The following ZNF536 variants were observed in gnomAD, a reference collection of about 807,000 sequenced individuals.
ZNF536 encodes the protein zinc finger protein 536.
A neutral mutation model predicts 84.5 loss-of-function variants in ZNF536; 13 were observed. That is an observed-to-expected ratio of 0.15 (90% confidence interval 0.10 to 0.24). The LOEUF is 0.24. Ranked by LOEUF, ZNF536 falls within the 10% of genes least tolerant of loss-of-function variation. ZNF536 has a pLI of 1.00. For synonymous variants in ZNF536, 811 were observed against 742.5 expected (o/e 1.09, Z -1.50); for missense variants, 1,536 against 1,747.5 (o/e 0.88, Z 2.16).
downstream of ZNF536, among the ~76,000 whole-genome samples, chr19:30,560,163 T>C (rs919044394): frequency 6.6e-6 from 1 of 152,092 alleles, no homozygotes; most frequent in South Asian, 2.1e-4. Context: ...TTCTGTGGAA[T>C]GAGCCAACTT....
chr19:30,366,621 TATCTATC>T (rs1234065597), intron 3 of ZNF536, among the ~76,000 whole-genome samples: 3 of 147,472 alleles, frequency 2.0e-5, no homozygotes, highest in African/African-American at 4.9e-5. Flanking sequence ...TCTATCTATC[TATCTATC>T]ATCTATCCAT....
At chr19:30,383,654 CTCTCT>C (rs1471076819) in intron 1 of ZNF536, among the ~76,000 whole-genome samples, 1 of 4,768 alleles carries the variant, frequency 2.1e-4, no homozygotes, top group Non-Finnish European at 5.6e-4. Context: ...TCCTTTCTTT[CTCTCT>C]TTCTCTTTCT....
intron 1 of ZNF536, among the ~76,000 whole-genome samples, chr19:30,405,792 T>G (rs1180840890): frequency 1.3e-5 from 2 of 152,036 alleles, no homozygotes; most frequent in African/African-American, 4.8e-5. Flanking sequence ...TTTTTTTTTT[T>G]TTTGAGATAG....
intron 1 of ZNF536, among the ~76,000 whole-genome samples, chr19:30,651,507 T>C (rs1323872630): frequency 6.6e-6 from 1 of 152,166 alleles, no homozygotes; most frequent in Non-Finnish European, 1.5e-5. Context: ...AAAAAGAGAA[T>C]AAGCACGAGG....
At chr19:30,417,390 A>G (rs140411264) in intron 1 of ZNF536, among the ~76,000 whole-genome samples, 40 of 152,020 alleles carry the variant, frequency 2.6e-4, no homozygotes, top group Middle Eastern at 6.8e-3. Context: ...TTAGGGAATT[A>G]TTCTATGTGA....
intron 1 of ZNF536, among the ~76,000 whole-genome samples, chr19:30,609,895 TATCCATCCATCC>T (rs202076068): frequency 2.6e-4 from 36 of 140,974 alleles, no homozygotes; most frequent in African/African-American, 7.7e-4. Context: ...TCCACCCATT[TATCCATCCATCC>T]ATCCATCCAT....
chr19:30,259,086 G>A (rs16963984), intron 1 of ZNF536, among the ~76,000 whole-genome samples: 3,420 of 152,122 alleles, frequency 0.022, 103 homozygotes, highest in African/African-American at 0.078. Flanking sequence ...AATTTCTGAG[G>A]TTAAACCTAA....
chr19:30,422,710 G>A (rs2051014814), intron 1 of ZNF536, among the ~76,000 whole-genome samples: 1 of 151,552 alleles, frequency 6.6e-6, no homozygotes. Context: ...CTTCTATTTA[G>A]CCCTTCTCTT....
At chr19:30,331,696 C>T (rs531276244) in intron 2 of ZNF536, among the ~76,000 whole-genome samples, 17 of 152,306 alleles carry the variant, frequency 1.1e-4, no homozygotes, top group Admixed American at 4.6e-4. Flanking sequence ...TGACCAACAC[C>T]TGAGCTCCTC....
chr19:30,484,126 C>T (rs562336525), intron 2 of ZNF536, among the ~76,000 whole-genome samples: 3 of 152,158 alleles, frequency 2.0e-5, no homozygotes, highest in South Asian at 4.2e-4. Context: ...CTCCCTCCTA[C>T]GCCTGACCAC....
At chr19:30,658,139 C>T (rs987342562) in intron 1 of ZNF536, among the ~76,000 whole-genome samples, 1 of 151,894 alleles carries the variant, frequency 6.6e-6, no homozygotes, top group African/African-American at 2.4e-5. Context: ...TCTCCTGCCT[C>T]ACCTTCTGAG....
intron 1 of ZNF536, among the ~76,000 whole-genome samples, chr19:30,421,740 T>G (rs1166713695): frequency 1.3e-5 from 2 of 152,248 alleles, no homozygotes; most frequent in African/African-American, 4.8e-5. Flanking sequence ...CTTGTCACGC[T>G]CCCTGGGATC....
chr19:30,687,328 A>T (rs957765862), intron 1 of ZNF536, among the ~76,000 whole-genome samples: 1 of 152,222 alleles, frequency 6.6e-6, no homozygotes, highest in African/African-American at 2.4e-5. Context: ...AAACCAGTCA[A>T]ATCTGAACTT....
chr19:30,361,981 C>T (rs1244620754), intron 3 of ZNF536, among the ~76,000 whole-genome samples: 1 of 152,182 alleles, frequency 6.6e-6, no homozygotes, highest in East Asian at 1.9e-4. Flanking sequence ...ACACCACCAA[C>T]TAAAAAAGGA....
At chr19:30,523,210 A>G (rs1321098148) in intron 2 of ZNF536, among the ~76,000 whole-genome samples, 1 of 152,192 alleles carries the variant, frequency 6.6e-6, no homozygotes. Context: ...TCCTGGAGCT[A>G]AAACCACAGA....
At chr19:30,550,086 G>A (rs916356553) in intron 4 of ZNF536, among the ~76,000 whole-genome samples, 3 of 152,154 alleles carry the variant, frequency 2.0e-5, no homozygotes, top group African/African-American at 7.2e-5. Flanking sequence ...CAAACCAAAT[G>A]GCAGTTACTG....
upstream of ZNF536, among the ~76,000 whole-genome samples, chr19:30,370,176 T>C (rs1342453239): frequency 6.6e-6 from 1 of 152,212 alleles, no homozygotes; most frequent in Admixed American, 6.5e-5. Flanking sequence ...GTTCACTCAA[T>C]TGGCTGTTGG....
At chr19:30,458,207 T>A (rs1314171698) in intron 2 of ZNF536, among the ~76,000 whole-genome samples, 1 of 152,124 alleles carries the variant, frequency 6.6e-6, no homozygotes, top group East Asian at 1.9e-4. Flanking sequence ...TCGCTTTCCT[T>A]CTCTGGGCTT....
intron 2 of ZNF536, among the ~76,000 whole-genome samples, chr19:30,484,516 G>A (rs1292737535): frequency 6.6e-6 from 1 of 151,246 alleles, no homozygotes; most frequent in African/African-American, 2.4e-5. Context: ...GATTACAGGC[G>A]TGAGCCACCG....
Sources: gnomAD v4.1 joint callset for allele counts (sites outside exome capture counted in the v4.1 genomes callset) on GRCh38, gnomAD v4.1.1 for gene constraint, MANE v1.5 for transcripts, NCBI Gene and HGNC (gene_info 2026-07-23, HGNC 2026-07-21) for gene names.